The following PPP1R14C variants were observed in gnomAD, a reference collection of about 807,000 sequenced individuals.
PPP1R14C encodes protein phosphatase 1 regulatory subunit 14C.
PPP1R14C carries 16 observed loss-of-function variants against 20.4 expected under a neutral mutation model. The ratio of observed to expected loss-of-function variants is 0.78; its 90% CI spans 0.53 to 1.19. The LOEUF is 1.19. PPP1R14C is among the 50% of genes most tolerant of loss of function. The probability of loss-of-function intolerance (pLI) is 0.00; values close to 1 mark genes in which losing one functional copy is unlikely to be tolerated. For synonymous variants in PPP1R14C, 91 were observed against 91.0 expected, an observed-to-expected ratio of 1.00 and a Z score of 0.00; for missense variants, 211 against 220.1, an observed-to-expected ratio of 0.96 and a Z score of 0.26.
At chr6:150,212,007 G>C (rs764147992) in intron 1 of PPP1R14C, among the ~76,000 whole-genome samples, 2 of 152,188 alleles carry the variant, frequency 1.3e-5, no homozygotes, top group Non-Finnish European at 2.9e-5. Flanking sequence ...ACCAAGCTCA[G>C]GGTTTCTCAT....
intron 1 of PPP1R14C, among the ~76,000 whole-genome samples, chr6:150,175,146 G>A (rs1196396063): frequency 6.6e-6 from 1 of 152,144 alleles, no homozygotes; most frequent in Non-Finnish European, 1.5e-5. Context: ...ATTATGTGCT[G>A]GGCTGTTCTA....
chr6:150,199,697 C>G (rs773021165), intron 1 of PPP1R14C, among the ~76,000 whole-genome samples: 30 of 152,000 alleles, frequency 2.0e-4, no homozygotes, highest in Middle Eastern at 3.2e-3. Flanking sequence ...TAGTGAGATG[C>G]CATCTCTGCA....
intron 2 of PPP1R14C, 21 bp from the exon 3 acceptor site, chr6:150,216,803 T>C (rs748484405): frequency 9.7e-6 from 15 of 1,547,538 alleles, no homozygotes; most frequent in Middle Eastern, 1.7e-4. Context: ...TAAAACTGAT[T>C]TTCTGTGTGT....
At chr6:150,233,700 G>A (rs1272419582) in intron 3 of PPP1R14C, among the ~76,000 whole-genome samples, 1 of 152,166 alleles carries the variant, frequency 6.6e-6, no homozygotes, top group East Asian at 1.9e-4. Context: ...GGCACTTTCG[G>A]ACTGCATTGT....
At chr6:150,181,859 T>C (rs549368202) in intron 1 of PPP1R14C, among the ~76,000 whole-genome samples, 2 of 152,382 alleles carry the variant, frequency 1.3e-5, no homozygotes, top group South Asian at 4.1e-4. Context: ...GGTTTTCTTT[T>C]TCATTGCTTC....
chr6:150,200,802 C>T (rs897183790), intron 1 of PPP1R14C, among the ~76,000 whole-genome samples: 1 of 152,200 alleles, frequency 6.6e-6, no homozygotes, highest in Non-Finnish European at 1.5e-5. Flanking sequence ...TTCATATCTG[C>T]CTCACAAGGA....
intron 1 of PPP1R14C, among the ~76,000 whole-genome samples, chr6:150,202,017 A>G (rs1777883779): frequency 6.6e-6 from 1 of 152,156 alleles, no homozygotes; most frequent in African/African-American, 2.4e-5. Context: ...TGGTTAAATG[A>G]CTTTTTATTT....
intron 3 of PPP1R14C, among the ~76,000 whole-genome samples, chr6:150,218,939 AC>A (rs1482201539): frequency 1.3e-5 from 2 of 151,898 alleles, no homozygotes; most frequent in Admixed American, 1.3e-4. Flanking sequence ...GGCATGAGCC[AC>A]TATGCCTGGC....
chr6:150,168,269 G>A (rs1276415607), intron 1 of PPP1R14C, among the ~76,000 whole-genome samples: 1 of 150,782 alleles, frequency 6.6e-6, no homozygotes, highest in Non-Finnish European at 1.5e-5. Flanking sequence ...GGGCGCGGTG[G>A]CTCACGCCTG....
At chr6:150,238,020 C>T (rs140442493) in intron 3 of PPP1R14C, among the ~76,000 whole-genome samples, 2 of 152,342 alleles carry the variant, frequency 1.3e-5, no homozygotes, top group African/African-American at 4.8e-5. Context: ...AGCCTCATCA[C>T]AAGCAGTACA....
chr6:150,159,596 C>T (rs1333475528), intron 1 of PPP1R14C, among the ~76,000 whole-genome samples: 1 of 149,932 alleles, frequency 6.7e-6, no homozygotes, highest in African/African-American at 2.5e-5. Context: ...CCAGTCCCTT[C>T]GTCTGTCTCT....
At chr6:150,246,541 T>C (rs1209965843) in intron 3 of PPP1R14C, among the ~76,000 whole-genome samples, 1 of 152,218 alleles carries the variant, frequency 6.6e-6, no homozygotes, top group Non-Finnish European at 1.5e-5. Context: ...GAATAGACAG[T>C]GTTCAGAAAA....
intron 1 of PPP1R14C, among the ~76,000 whole-genome samples, chr6:150,196,678 C>G (rs1351370974): frequency 2.0e-5 from 3 of 152,168 alleles, no homozygotes; most frequent in African/African-American, 7.2e-5. Context: ...GTTTCAATCA[C>G]TTCATTTGTT....
At chr6:150,176,605 A>G (rs565392423) in intron 1 of PPP1R14C, among the ~76,000 whole-genome samples, 1 of 152,200 alleles carries the variant, frequency 6.6e-6, no homozygotes, top group African/African-American at 2.4e-5. Flanking sequence ...TTCTACTGCT[A>G]TTTTGGTGGA....
intron 1 of PPP1R14C, among the ~76,000 whole-genome samples, chr6:150,147,722 CT>C (rs2114848315): frequency 6.6e-6 from 1 of 152,330 alleles, no homozygotes; most frequent in East Asian, 1.9e-4. Context: ...TGGGTACTTG[CT>C]GTGTTGTTCT....
intron 1 of PPP1R14C, among the ~76,000 whole-genome samples, chr6:150,163,406 A>G (rs1777392356): frequency 6.6e-6 from 1 of 152,134 alleles, no homozygotes; most frequent in African/African-American, 2.4e-5. Context: ...CAACAACAAC[A>G]ACAAAAAACT....
At chr6:150,235,132 T>C (rs1582931992) in intron 3 of PPP1R14C, among the ~76,000 whole-genome samples, 1 of 152,216 alleles carries the variant, frequency 6.6e-6, no homozygotes, top group South Asian at 2.1e-4. Context: ...TTGTTGTCCA[T>C]GCTGGAGTGC....
chr6:150,198,855 G>A (rs551106371), intron 1 of PPP1R14C, among the ~76,000 whole-genome samples: 3 of 152,278 alleles, frequency 2.0e-5, no homozygotes, highest in Admixed American at 1.3e-4. Context: ...TAGTTCTTAC[G>A]TCTTGCAGAT....
At chr6:150,204,404 T>C (rs2281436) in intron 1 of PPP1R14C, among the ~76,000 whole-genome samples, 109,297 of 152,128 alleles carry the variant, frequency 0.72, 39,500 homozygotes, top group East Asian at 0.79. Context: ...TCTCTTTGAA[T>C]GCTGTGGTTT....
Sources: gnomAD v4.1 joint callset for allele counts (sites outside exome capture counted in the v4.1 genomes callset) on GRCh38, gnomAD v4.1.1 for gene constraint, MANE v1.5 for transcripts, NCBI Gene and HGNC (gene_info 2026-07-23, HGNC 2026-07-21) for gene names.